The following MTA3 variants were observed in gnomAD, a reference collection of about 807,000 sequenced individuals.
MTA3 encodes the protein metastasis-associated protein MTA3.
In MTA3, 34 loss-of-function variants were observed where a neutral mutation model predicts 83.5. The ratio of observed to expected loss-of-function variants is 0.41; its 90% CI spans 0.31 to 0.54. The LOEUF (loss-of-function observed/expected upper bound fraction) is 0.54. Among genes scored for constraint, MTA3 ranks in the 20% least tolerant of loss-of-function variants. MTA3 has a pLI of 0.33. For missense variants in MTA3, 761 were observed against 726.4 expected (o/e 1.05, Z -0.55); for synonymous variants, 303 against 252.7 (o/e 1.20, Z -1.89).
intron 16 of MTA3, among the ~76,000 whole-genome samples, chr2:42,746,091 C>T (rs190228668): frequency 2.8e-4 from 42 of 152,124 alleles, no homozygotes; most frequent in African/African-American, 8.4e-4. Context: ...GGATTACAGG[C>T]GTGAGCCACT....
intron 4 of MTA3, among the ~76,000 whole-genome samples, chr2:42,636,838 G>T (rs1013926738): frequency 6.6e-6 from 1 of 151,882 alleles, no homozygotes; most frequent in Admixed American, 6.6e-5. Context: ...TATTGGCCAG[G>T]CTGGTCTCGA....
intron 9 of MTA3, among the ~76,000 whole-genome samples, chr2:42,690,856 T>TTTTATTTATTTATTTATTTA (rs35037034): frequency 2.9e-5 from 4 of 136,112 alleles, no homozygotes; most frequent in African/African-American, 8.4e-5. Flanking sequence ...TGTATTTTTA[T>TTTTATTTATTTATTTATTTA]TTTATTTATT....
At chr2:42,690,991 C>G (rs1336636642) in intron 9 of MTA3, among the ~76,000 whole-genome samples, 2 of 152,024 alleles carry the variant, frequency 1.3e-5, no homozygotes, top group Non-Finnish European at 2.9e-5. Flanking sequence ...ATTCTCCTGC[C>G]TCAGCCTCCC....
At chr2:42,598,605 C>G (rs1440376168) in intron 3 of MTA3, among the ~76,000 whole-genome samples, 1 of 152,006 alleles carries the variant, frequency 6.6e-6, no homozygotes, top group African/African-American at 2.4e-5. Context: ...TTATTTATCT[C>G]CTTAAAATTT....
At chr2:42,614,744 G>C (rs912489061) in intron 4 of MTA3, among the ~76,000 whole-genome samples, 1 of 152,062 alleles carries the variant, frequency 6.6e-6, no homozygotes, top group African/African-American at 2.4e-5. Flanking sequence ...AGAGGCCGGG[G>C]TGGGAGGATT....
chr2:42,528,126 C>T (rs912469741), intron 2 of MTA3, among the ~76,000 whole-genome samples: 6 of 151,906 alleles, frequency 3.9e-5, no homozygotes, highest in South Asian at 4.2e-4. Context: ...AGGGTTTCAC[C>T]GTGTTACCCA....
rs1352288239 is a variant in MTA3, at chr2:42,560,467, G to T, written c.-140-9970G>T. Among the ~76,000 whole-genome samples the T allele has an allele frequency of 3.3e-5, 5 of 150,574 alleles. No individual in the cohort carries two copies. In the East Asian group the frequency reaches 9.7e-4, roughly 29 times the overall value. ...ACCAGCCTGGCCAACAATGCGAAAG[G>T]CTTGAACCCGAGAGGCAGAGGTTGC... is the stretch of plus-strand genomic sequence containing the variant. On this transcript the variant is annotated intron_variant, in intron 2 of 17. Coordinates refer to the MTA3 transcript ENST00000405592.
chr2:42,677,261 G>A (rs1558572532), intron 8 of MTA3, among the ~76,000 whole-genome samples: 1 of 152,184 alleles, frequency 6.6e-6, no homozygotes, highest in Non-Finnish European at 1.5e-5. Flanking sequence ...CACCGGGGGA[G>A]ATAATTGAAT....
intron 16 of MTA3, among the ~76,000 whole-genome samples, chr2:42,729,114 CA>C (rs1668062591): frequency 1.3e-5 from 1 of 74,774 alleles, no homozygotes; most frequent in Non-Finnish European, 2.8e-5. Flanking sequence ...TTTTTTTTTT[CA>C]CAGAGTCATG....
intron 3 of MTA3, among the ~76,000 whole-genome samples, chr2:42,590,707 G>A (rs1284464468): frequency 1.4e-5 from 2 of 139,552 alleles, no homozygotes; most frequent in Admixed American, 8.1e-5. Flanking sequence ...TGCAACCTCC[G>A]CCTCCTGAGT....
chr2:42,622,406 TAGGGGGAGGTAGAGGGGG>T (rs1410846054), intron 4 of MTA3, among the ~76,000 whole-genome samples: 3 of 58,694 alleles, frequency 5.1e-5, no homozygotes, highest in African/African-American at 6.8e-5. Flanking sequence ...GGGAGAGGGG[TAGGGGGAGGTAGAGGGGG>T]AGGGGGAGGG....
intron 4 of MTA3, among the ~76,000 whole-genome samples, chr2:42,623,383 G>C (rs540589401): frequency 2.4e-4 from 36 of 152,240 alleles, no homozygotes; most frequent in Admixed American, 1.8e-3. Flanking sequence ...GGTTTTTCCT[G>C]TCCAGCCTTC....
At chr2:42,574,638 C>T (rs1254690079) in intron 2 of MTA3, among the ~76,000 whole-genome samples, 1 of 150,814 alleles carries the variant, frequency 6.6e-6, no homozygotes, top group African/African-American at 2.4e-5. Flanking sequence ...AGGGTTTCAC[C>T]ATGTTGGCCA....
At chr2:42,681,420 C>G (rs1691899725) in intron 8 of MTA3, among the ~76,000 whole-genome samples, 1 of 152,196 alleles carries the variant, frequency 6.6e-6, no homozygotes, top group Admixed American at 6.5e-5. Flanking sequence ...TTTTCTCACT[C>G]TCTGATACAT....
Position 42,620,383 on chromosome 2 carries a change from G to A in MTA3, c.317+10799G>A, listed in dbSNP as rs1272863779. Among the ~76,000 whole-genome samples the A allele has an allele frequency of 3.9e-5, 6 of 152,260 alleles. No individual in the cohort carries two copies. The South Asian group carries it at 8.3e-4, about 21-fold the overall frequency. On this transcript the variant is annotated intron_variant, in intron 4 of 16. Transcript: ENST00000405094. ...ATTCCACCTGCCTTGGCCTCCCAAA[G>A]TGCTGGAATTACAGGAATGAGCTAC...
intron 2 of MTA3, among the ~76,000 whole-genome samples, chr2:42,509,392 C>T (rs1674794249): frequency 6.6e-6 from 1 of 152,066 alleles, no homozygotes; most frequent in African/African-American, 2.4e-5. Context: ...CTGTTCACTT[C>T]CTTTGAGAGC....
intron 4 of MTA3, among the ~76,000 whole-genome samples, chr2:42,632,355 G>T (rs558723652): frequency 6.6e-6 from 1 of 152,236 alleles, no homozygotes; most frequent in East Asian, 1.9e-4. Context: ...CTCCCAAAGT[G>T]CTGGGATTAC....
Position 42,591,582 on chromosome 2 carries a change from A to G in MTA3, c.190+12382A>G, listed in dbSNP as rs148608227. ...TAAAACACAAACACATTGAATGGCT[A>G]TACAAAAATATTTTCTTTCATCATA... On this transcript the variant is annotated intron_variant, in intron 3 of 16. Coordinates refer to ENST00000405094, the MANE Select transcript of MTA3 (RefSeq NM_001330442.2). Among the ~76,000 whole-genome samples, 191 of 152,198 alleles carry G rather than the reference A, an allele frequency of 1.3e-3. 1 individual carries two copies. Among genetic ancestry groups the G allele is most frequent in the African/African-American group, 4.4e-3 (182 of 41,574 alleles).
intron 2 of MTA3, among the ~76,000 whole-genome samples, chr2:42,512,021 A>AAAAT (rs971928196): frequency 4.0e-5 from 6 of 151,680 alleles, no homozygotes; most frequent in African/African-American, 1.2e-4. Context: ...CATCTCAAAA[A>AAAAT]AAATAAATAA....
Sources: allele counts gnomAD v4.1 joint callset (sites outside exome capture counted in the v4.1 genomes callset), GRCh38; gene constraint gnomAD v4.1.1; transcripts MANE v1.5; gene names NCBI Gene and HGNC (gene_info 2026-07-23, HGNC 2026-07-21).